The following SAMD3 variants were observed in gnomAD, a reference collection of about 807,000 sequenced individuals.
SAMD3 encodes sterile alpha motif domain containing 3.
SAMD3 carries 63 observed loss-of-function variants against 58.5 expected under a neutral mutation model. The observed-to-expected ratio is 1.08, with a 90% CI of 0.88 to 1.33. SAMD3 has a LOEUF of 1.33. SAMD3 is among the 40% of genes most tolerant of loss of function. The pLI is 0.00. For missense variants in SAMD3, 604 were observed against 608.4 expected (o/e 0.99, Z 0.08); for synonymous variants, 220 against 210.3 (o/e 1.05, Z -0.40).
chr6:130,186,977 G>T (rs189847320), intron 5 of SAMD3, among the ~76,000 whole-genome samples: 20 of 151,290 alleles, frequency 1.3e-4, no homozygotes, highest in Non-Finnish European at 2.9e-4. Flanking sequence ...TCACCATGTT[G>T]GCCAGGATGG....
At chr6:130,216,651 C>G (rs1250849802) in intron 1 of SAMD3, 35 bp from the exon 2 acceptor site, 1 of 152,146 alleles carries the variant, frequency 6.6e-6, no homozygotes, top group African/African-American at 2.4e-5. Flanking sequence ...TATTAAGCCC[C>G]ATAATCATAA....
chr6:130,344,813 GAAC>G (rs1777389297), intron 1 of SAMD3, among the ~76,000 whole-genome samples: 2 of 27,938 alleles, frequency 7.2e-5, no homozygotes, highest in Admixed American at 5.8e-4. Context: ...GAAGCAGAAA[GAAC>G]AACAACAGCA....
intron 1 of SAMD3, among the ~76,000 whole-genome samples, chr6:130,339,439 C>G (rs569008729): frequency 6.6e-6 from 1 of 152,240 alleles, no homozygotes; most frequent in Non-Finnish European, 1.5e-5. Context: ...GTGGGTTCCT[C>G]CATGCTGTTC....
At chr6:130,168,183 T>G (rs1186778732) in intron 8 of SAMD3, among the ~76,000 whole-genome samples, 1 of 152,062 alleles carries the variant, frequency 6.6e-6, no homozygotes, top group Non-Finnish European at 1.5e-5. Context: ...CCTGTAATCC[T>G]AGCACTTTGG....
intron 1 of SAMD3, among the ~76,000 whole-genome samples, chr6:130,327,492 T>A (rs1467917673): frequency 1.3e-5 from 2 of 152,176 alleles, no homozygotes; most frequent in African/African-American, 4.8e-5. Flanking sequence ...AACTAGCAAA[T>A]TCTAAATTAA....
rs529917202 is a variant in SAMD3 at position 130,144,398 on chromosome 6, G to A, written c.*122C>T. ...AGATAGAAAGCATTGAAATTCATTA[G>A]CATCTATAAATACAAGATGATTTTC... On this transcript the variant is annotated 3_prime_UTR_variant, in exon 12 of 12. Coordinates refer to ENST00000439090, the MANE Select transcript of SAMD3 (RefSeq NM_001017373.4). 1.4e-3 allele frequency: 1,097 copies of A among 803,436 alleles called. 4 individuals are homozygous for A. The highest frequency in any genetic ancestry group is 1.8e-3 in the Non-Finnish European group (922 of 516,360). The allele number at this position is 803,436 out of a possible 1,614,324, so 49.8% of individuals were successfully genotyped here.
At chr6:130,291,763 A>C (rs1775369787) in intron 2 of SAMD3, among the ~76,000 whole-genome samples, 1 of 152,208 alleles carries the variant, frequency 6.6e-6, no homozygotes, top group African/African-American at 2.4e-5. Flanking sequence ...ACATAAGTGT[A>C]TATTTAATAA....
At chr6:130,350,977 A>G (rs1777639262) in intron 1 of SAMD3, among the ~76,000 whole-genome samples, 1 of 152,224 alleles carries the variant, frequency 6.6e-6, no homozygotes, top group South Asian at 2.1e-4. Flanking sequence ...CAATGGGGAA[A>G]GCATTCCCTA....
chr6:130,244,742 A>AAAAAATAAAAAT (rs150924956), intron 2 of SAMD3, among the ~76,000 whole-genome samples: 27 of 141,072 alleles, frequency 1.9e-4, no homozygotes, highest in Admixed American at 1.2e-3. Flanking sequence ...TGTCTCAAAA[A>AAAAAATAAAAAT]AAAAATAAAA....
chr6:130,238,428 C>A (rs1266465670), intron 2 of SAMD3, among the ~76,000 whole-genome samples: 3 of 151,810 alleles, frequency 2.0e-5, no homozygotes, highest in African/African-American at 7.3e-5. Flanking sequence ...TCTATCAAGT[C>A]AATTCTTTAA....
chr6:130,325,265 T>C (rs1017437454), intron 1 of SAMD3, among the ~76,000 whole-genome samples: 2 of 152,166 alleles, frequency 1.3e-5, no homozygotes, highest in African/African-American at 2.4e-5. Context: ...TCCCTTGATA[T>C]GGTGTCTGCA....
intron 1 of SAMD3, among the ~76,000 whole-genome samples, chr6:130,320,983 G>C (rs890148738): frequency 1.3e-5 from 2 of 152,180 alleles, no homozygotes; most frequent in African/African-American, 4.8e-5. Context: ...TGCTTCCCCA[G>C]AGAGTTTGCT....
chr6:130,197,547 T>C (rs1384907483), intron 5 of SAMD3, among the ~76,000 whole-genome samples: 1 of 152,204 alleles, frequency 6.6e-6, no homozygotes, highest in Non-Finnish European at 1.5e-5. Context: ...ATTTAGTTTT[T>C]CAATTCATAC....
upstream of SAMD3, among the ~76,000 whole-genome samples, chr6:130,227,845 C>G (rs1796427655): frequency 6.6e-6 from 1 of 151,878 alleles, no homozygotes; most frequent in Non-Finnish European, 1.5e-5. Flanking sequence ...CTCTGATTTC[C>G]TGCTGCAGCA....
At chr6:130,345,653 A>T (rs1562532838) in intron 1 of SAMD3, among the ~76,000 whole-genome samples, 1 of 151,900 alleles carries the variant, frequency 6.6e-6, no homozygotes, top group Non-Finnish European at 1.5e-5. Context: ...GGCATATGGC[A>T]GGCCCTTGGC....
intron 1 of SAMD3, among the ~76,000 whole-genome samples, chr6:130,328,857 T>C (rs893127678): frequency 4.6e-5 from 7 of 152,212 alleles, no homozygotes; most frequent in Admixed American, 1.3e-4. Flanking sequence ...TAGATAGTTG[T>C]AATGTAGAGA....
chr6:130,296,729 C>T (rs967487052), intron 2 of SAMD3, among the ~76,000 whole-genome samples: 3 of 152,132 alleles, frequency 2.0e-5, no homozygotes, highest in Non-Finnish European at 4.4e-5. Flanking sequence ...GAGTTGCCTG[C>T]TCTGGACCAA....
chr6:130,212,825 C>T (rs1437389637), intron 4 of SAMD3, among the ~76,000 whole-genome samples: 1 of 152,238 alleles, frequency 6.6e-6, no homozygotes, highest in Non-Finnish European at 1.5e-5. Context: ...TCCTACTCAT[C>T]CCAAAATGCA....
At chr6:130,347,687 G>A (rs889502968) in intron 1 of SAMD3, among the ~76,000 whole-genome samples, 2 of 152,162 alleles carry the variant, frequency 1.3e-5, no homozygotes, top group Admixed American at 1.3e-4. Context: ...CCCCAATCTA[G>A]TAAGGCAGGC....
Sources: gnomAD v4.1 joint callset for allele counts (sites outside exome capture counted in the v4.1 genomes callset) on GRCh38, gnomAD v4.1.1 for gene constraint, MANE v1.5 for transcripts, NCBI Gene and HGNC (gene_info 2026-07-23, HGNC 2026-07-21) for gene names.